CFAP54: variants seen among roughly 807,000 people sequenced by gnomAD.
The protein encoded by CFAP54 is cilia- and flagella-associated protein 54.
CFAP54 carries 290 observed loss-of-function variants against 370.4 expected under a neutral mutation model. The ratio of observed to expected loss-of-function variants is 0.78; its 90% CI spans 0.71 to 0.86. The LOEUF (loss-of-function observed/expected upper bound fraction) is 0.86, where lower values mean the gene tolerates loss of function less well. Among genes scored for constraint, CFAP54 ranks in the 40% least tolerant of loss-of-function variants. The pLI is 0.00. For synonymous variants in CFAP54, 1,206 were observed against 1,236.5 expected (o/e 0.98, Z 0.52); for missense variants, 3,399 against 3,528.7 (o/e 0.96, Z 0.93).
At chr12:96,846,677 G>A (rs182628757) in intron 66 of CFAP54, among the ~76,000 whole-genome samples, 32 of 152,270 alleles carry the variant, frequency 2.1e-4, no homozygotes, top group Non-Finnish European at 4.3e-4. Context: ...GCCCATGGTG[G>A]AGGTGATACT....
chr12:96,598,308 C>G (rs1443696253), intron 25 of CFAP54, among the ~76,000 whole-genome samples: 3 of 152,014 alleles, frequency 2.0e-5, no homozygotes, highest in Non-Finnish European at 2.9e-5. Flanking sequence ...CAAGTTCCTT[C>G]TATACCTGGA....
At chr12:96,752,653 C>G (rs1565965368) in intron 55 of CFAP54, among the ~76,000 whole-genome samples, 1 of 152,196 alleles carries the variant, frequency 6.6e-6, no homozygotes, top group African/African-American at 2.4e-5. Context: ...GCCACATTCT[C>G]TGGGATGGTT....
chr12:96,676,571 A>C (rs964482337), intron 39 of CFAP54, among the ~76,000 whole-genome samples: 3 of 151,938 alleles, frequency 2.0e-5, no homozygotes, highest in Admixed American at 2.0e-4. Context: ...TTTGAGATGG[A>C]GTTTCATTCC....
rs1156400967 is a variant in CFAP54, at chr12:96,621,617, C to T, written c.3667C>T (p.Leu1223=). ...TCTTCGTTCATGGAGGGAATATGAC[C>T]TGGCAGTAATGATTATAAATTATGG... ...KILRSWREYD[L]AVMIINYGKK... Residue 1223 remains leucine (L), a synonymous_variant, in exon 27 of 68, where the codon CTG becomes TTG. Transcript: ENST00000524981. 38 of 1,501,038 alleles carry T rather than the reference C, an allele frequency of 2.5e-5. No homozygotes were observed. The highest frequency in any genetic ancestry group is 3.4e-5 in the Non-Finnish European group (38 of 1,120,282). 93.0% of individuals were successfully genotyped at this position (1,501,038 alleles called of 1,614,324 possible).
intron 66 of CFAP54, among the ~76,000 whole-genome samples, chr12:96,849,701 C>A (rs1030201204): frequency 6.6e-6 from 1 of 152,082 alleles, no homozygotes; most frequent in African/African-American, 2.4e-5. Context: ...AAAACTTTCC[C>A]AGACAAGTTC....
intron 48 of CFAP54, 55 bp downstream of exon 48, chr12:96,708,858 C>G (rs1251718115): frequency 6.6e-6 from 9 of 1,368,672 alleles, no homozygotes; most frequent in Non-Finnish European, 9.1e-6. Context: ...CCTAACTGTT[C>G]TCCCAGCCCC....
At chr12:96,593,808 A>G (rs950513613) in intron 24 of CFAP54, among the ~76,000 whole-genome samples, 3 of 152,098 alleles carry the variant, frequency 2.0e-5, no homozygotes, top group African/African-American at 7.2e-5. Flanking sequence ...ACATTTTACT[A>G]TCATTTAAAT....
chr12:96,833,905 C>T (rs1959178245), intron 66 of CFAP54, among the ~76,000 whole-genome samples: 1 of 151,956 alleles, frequency 6.6e-6, no homozygotes, highest in South Asian at 2.1e-4. Context: ...ATGACAAGAG[C>T]CCTATGACAT....
chr12:96,587,422 G>A (rs370138943), intron 22 of CFAP54, among the ~76,000 whole-genome samples: 1 of 152,128 alleles, frequency 6.6e-6, no homozygotes, highest in African/African-American at 2.4e-5. Context: ...GCATCAAAGA[G>A]GAGGTATCTA....
At chr12:96,560,429 G>A (rs937310138) in intron 17 of CFAP54, among the ~76,000 whole-genome samples, 2 of 151,926 alleles carry the variant, frequency 1.3e-5, no homozygotes. Flanking sequence ...TATCCTTTTT[G>A]GGGAAAATGG....
intron 45 of CFAP54, among the ~76,000 whole-genome samples, chr12:96,695,927 A>G (rs186741187): frequency 0.018 from 2,795 of 152,314 alleles, 101 homozygotes; most frequent in African/African-American, 0.065. Context: ...GAGAAGAAAG[A>G]CAGAATGTAT....
chr12:96,560,410 G>C (rs1335896975), intron 17 of CFAP54, among the ~76,000 whole-genome samples: 1 of 151,982 alleles, frequency 6.6e-6, no homozygotes, highest in East Asian at 1.9e-4. Flanking sequence ...TGCCATAATT[G>C]TTCCCAAATA....
chr12:96,656,885 C>G (rs911403614), intron 36 of CFAP54, among the ~76,000 whole-genome samples: 1 of 152,140 alleles, frequency 6.6e-6, no homozygotes, highest in African/African-American at 2.4e-5. Flanking sequence ...AAAGTATGTC[C>G]CATGTGCTGG....
intron 15 of CFAP54, among the ~76,000 whole-genome samples, chr12:96,551,088 G>A (rs1955688569): frequency 6.6e-6 from 1 of 152,120 alleles, no homozygotes; most frequent in Admixed American, 6.5e-5. Flanking sequence ...GGGCAATATG[G>A]TGAAACCATG....
chr12:96,594,417 C>G lies in CFAP54; in HGVS notation c.3487C>G (p.His1163Asp), dbSNP rs1407233777. ...CYGLLAPIIYHNIVLVPVVQI... is the reference protein window; with the variant it reads ...CYGLLAPIIYDNIVLVPVVQI... Reference sequence around the variant, plus strand: ...TGGACTTCTTGCTCCCATAATTTATCACAATATTGTTTTGGTACCTGTTGT... The same window carrying G: ...TGGACTTCTTGCTCCCATAATTTATGACAATATTGTTTTGGTACCTGTTGT... Residue 1163 changes from histidine (H) to aspartate (D), a missense_variant, in exon 25 of 68, where the codon CAC becomes GAC. Physicochemically the swap from His to Asp is moderately conservative, Grantham distance 81 (BLOSUM62 -1). This residue lies in a region of CFAP54 where 2,796 missense variants were observed against 2,869.7 expected (regional missense o/e 0.97). Transcript: ENST00000524981. 6.5e-7 allele frequency: 1 copy of G among 1,533,674 alleles called. No homozygotes were observed.
At chr12:96,582,458 G>A (rs1181683177) in intron 22 of CFAP54, among the ~76,000 whole-genome samples, 1 of 152,010 alleles carries the variant, frequency 6.6e-6, no homozygotes, top group African/African-American at 2.4e-5. Flanking sequence ...AGATCTTAGT[G>A]GCATTTTATA....
intron 4 of CFAP54, among the ~76,000 whole-genome samples, chr12:96,507,982 A>G (rs1253285669): frequency 6.6e-6 from 1 of 152,120 alleles, no homozygotes; most frequent in Non-Finnish European, 1.5e-5. Flanking sequence ...GCCATCTCTC[A>G]CACATCTTGG....
At chr12:96,803,141 T>C (rs182268207) in intron 63 of CFAP54, among the ~76,000 whole-genome samples, 1 of 152,300 alleles carries the variant, frequency 6.6e-6, no homozygotes, top group Non-Finnish European at 1.5e-5. Context: ...TAAACACACG[T>C]GTGCATGTGT....
chr12:96,535,538 T>C lies in CFAP54; in HGVS notation c.1729T>C (p.Tyr577His), dbSNP rs144595505. Residue 577 changes from tyrosine to histidine, a missense_variant, in exon 12 of 68, where the codon TAT (tyrosine) becomes CAT (histidine). Tyr to His is a moderately conservative substitution (Grantham distance 83, BLOSUM62 2). This residue lies in a region of CFAP54 where 2,796 missense variants were observed against 2,869.7 expected (regional missense o/e 0.97). Transcript: ENST00000524981. Reference sequence around the variant, plus strand: ...AGATACTTGTTTGAAGACTTGTGGATATTCAGAGGATATTTTCCATTTGGC... The same window carrying C: ...AGATACTTGTTTGAAGACTTGTGGACATTCAGAGGATATTTTCCATTTGGC... ...VHDTCLKTCG[Y>H]SEDIFHLAAT... The C allele has an allele frequency of 1.8e-4, 269 of 1,535,818 alleles. No individual in the cohort carries two copies. In the African/African-American group the frequency reaches 3.3e-3, roughly 19 times the overall value.
Sources: gnomAD v4.1 joint callset for allele counts (sites outside exome capture counted in the v4.1 genomes callset) on GRCh38, gnomAD v4.1.1 for gene constraint, gnomAD v4.1.1 regional missense constraint, MANE v1.5 for transcripts, NCBI Gene and HGNC (gene_info 2026-07-23, HGNC 2026-07-21) for gene names.